Variants in ADAMTS3 observed in about 807,000 individuals in gnomAD.
ADAMTS3 encodes the protein ADAM metallopeptidase with thrombospondin type 1 motif 3, also known as A disintegrin and metalloproteinase with thrombospondin motifs 3.
Under a neutral mutation model 129.0 loss-of-function variants are expected in ADAMTS3, and 73 were observed. That is an observed-to-expected ratio of 0.57 (90% CI 0.47 to 0.69). The LOEUF (loss-of-function observed/expected upper bound fraction) is 0.69. ADAMTS3 is among the 30% of genes least tolerant of loss of function. The pLI is 0.00. For synonymous variants in ADAMTS3, 477 were observed against 510.8 expected, an observed-to-expected ratio of 0.93 and a Z score of 0.89; for missense variants, 1,457 against 1,514.5, an observed-to-expected ratio of 0.96 and a Z score of 0.63.
rs202231178 is a variant in ADAMTS3, at chr4:72,492,934, T to C, written c.504+55544A>G. On this transcript the variant is annotated intron_variant, in intron 3 of 21. Transcript: ENST00000286657. ...TTTGGTGTGTTTATACTTATAACTG[T>C]TATAACTTACTGTTGAATTAACTCT... 2.0e-5 allele frequency among the ~76,000 whole-genome samples: 3 copies of C among 152,056 alleles called. No homozygotes were observed. The East Asian group carries it at 5.8e-4, about 29-fold the overall frequency.
Position 72,414,928 on chromosome 4 carries a change from G to T in ADAMTS3, c.548C>A (p.Pro183His). 2 of 1,573,082 alleles carry T rather than the reference G, an allele frequency of 1.3e-6. No individual in the cohort carries two copies. Among genetic ancestry groups the T allele is most frequent in the Admixed American group, 1.9e-5 (1 of 52,972 alleles). The change falls in exon 4 of 22, where the codon CCC becomes CAC. Residue 183 changes from proline to histidine, a missense_variant. By Grantham distance (77) the Pro-to-His change is moderately conservative. Transcript: ENST00000286657. ...CTCCATCTGTTTACCTCTTTCCAAG[G>T]GTTCAATGAAATACTCTTCATTATC... ...KSDNEEYFIE[P>H]LERGKQMEEE...
chr4:72,419,838 A>G (rs1233972196), intron 3 of ADAMTS3, among the ~76,000 whole-genome samples: 2 of 152,138 alleles, frequency 1.3e-5, no homozygotes, highest in Admixed American at 6.5e-5. Context: ...TATTAGTACT[A>G]TCTTGGGTCA....
chr4:72,530,227 T>TTA lies in ADAMTS3; in HGVS notation c.504+18249_504+18250dup, dbSNP rs1402048004. Among the ~76,000 whole-genome samples the TTA allele has an allele frequency of 4.1e-5, 3 of 72,716 alleles. 1 individual carries two copies. The East Asian group carries it at 1.3e-3, about 32-fold the overall frequency. 47.7% of individuals were successfully genotyped at this position (72,716 alleles called of 152,430 possible). ...CATATGTTATTTTAATATATATATA[T>TTA]TATATATATTAAATATATATAATAT... On this transcript the variant is annotated intron_variant, in intron 3 of 21. Coordinates refer to ENST00000286657, the MANE Select transcript of ADAMTS3 (RefSeq NM_014243.3).
At chr4:72,425,706 G>A (rs575332550) in intron 3 of ADAMTS3, among the ~76,000 whole-genome samples, 3 of 151,942 alleles carry the variant, frequency 2.0e-5, no homozygotes, top group African/African-American at 7.2e-5. Context: ...GTGTATATGT[G>A]CCACATTTTC....
intron 18 of ADAMTS3, among the ~76,000 whole-genome samples, chr4:72,297,640 G>A (rs78688827): frequency 0.039 from 5,921 of 152,100 alleles, 330 homozygotes; most frequent in East Asian, 0.29. Context: ...GAGAGGGAAC[G>A]GAGGCAGCAC....
At chr4:72,520,836 G>A (rs1439201592) in intron 3 of ADAMTS3, among the ~76,000 whole-genome samples, 2 of 151,976 alleles carry the variant, frequency 1.3e-5, no homozygotes, top group East Asian at 1.9e-4. Context: ...CGCGCATGAT[G>A]TGCTGCACCC....
At chr4:72,294,609 A>AG (rs1245343907) in intron 19 of ADAMTS3, among the ~76,000 whole-genome samples, 1 of 152,086 alleles carries the variant, frequency 6.6e-6, no homozygotes, top group African/African-American at 2.4e-5. Flanking sequence ...ATAAGTACAC[A>AG]GCACAACGAT....
chr4:72,354,880 G>T (rs1720537712), intron 4 of ADAMTS3, among the ~76,000 whole-genome samples: 1 of 151,732 alleles, frequency 6.6e-6, no homozygotes, highest in South Asian at 2.1e-4. Context: ...CATATTTCAG[G>T]TTCTAGACAC....
rs1178732937 is a variant in ADAMTS3 at position 72,456,359 on chromosome 4, TAGTATACA to T, written c.505-41396_505-41389del. On this transcript the variant is annotated intron_variant, in intron 3 of 21. Coordinates refer to ENST00000286657, the MANE Select transcript of ADAMTS3 (RefSeq NM_014243.3). ...TACTGTATATACTATATATAGTATA[TAGTATACA>T]ATATATAGTATATATAGTATATATA... 7.8e-3 allele frequency among the ~76,000 whole-genome samples: 1,084 copies of T among 139,338 alleles called. 1 individual carries two copies. Among genetic ancestry groups the T allele is most frequent in the South Asian group, 0.013 (59 of 4,610 alleles). 91.4% of individuals were successfully genotyped at this position (139,338 alleles called of 152,430 possible).
At chr4:72,393,427 A>G (rs1003683636) in intron 4 of ADAMTS3, among the ~76,000 whole-genome samples, 11 of 152,174 alleles carry the variant, frequency 7.2e-5, no homozygotes, top group Non-Finnish European at 1.3e-4. Context: ...TTTTCCAAAT[A>G]TGTAAGTAAT....
intron 3 of ADAMTS3, among the ~76,000 whole-genome samples, chr4:72,426,959 T>G (rs558790717): frequency 1.6e-4 from 24 of 152,178 alleles, no homozygotes; most frequent in Non-Finnish European, 2.4e-4. Flanking sequence ...TCTAGGGTGA[T>G]TTTTCCTAAA....
chr4:72,523,893 G>A (rs1720739405), intron 3 of ADAMTS3, among the ~76,000 whole-genome samples: 1 of 152,082 alleles, frequency 6.6e-6, no homozygotes, highest in African/African-American at 2.4e-5. Flanking sequence ...ATCTACAATT[G>A]TTGTAACTTG....
chr4:72,367,744 G>T (rs1353238804), intron 4 of ADAMTS3, among the ~76,000 whole-genome samples: 1 of 152,028 alleles, frequency 6.6e-6, no homozygotes, highest in African/African-American at 2.4e-5. Context: ...CAGCTACTTG[G>T]GAGGCTGAGG....
chr4:72,305,339 T>G (rs1719054364), intron 16 of ADAMTS3, among the ~76,000 whole-genome samples: 1 of 152,082 alleles, frequency 6.6e-6, no homozygotes, highest in Admixed American at 6.6e-5. Context: ...TAAGATTAGA[T>G]TAGTAAAATT....
intron 4 of ADAMTS3, among the ~76,000 whole-genome samples, chr4:72,374,724 T>C (rs1721095341): frequency 6.6e-6 from 1 of 152,202 alleles, no homozygotes; most frequent in Non-Finnish European, 1.5e-5. Flanking sequence ...CATAGTTTCT[T>C]GGTTTAAAAT....
chr4:72,438,101 G>A (rs867511443), intron 3 of ADAMTS3, among the ~76,000 whole-genome samples: 1 of 151,664 alleles, frequency 6.6e-6, no homozygotes, highest in African/African-American at 2.4e-5. Context: ...TACTCTGTGT[G>A]TGCAGAAATT....
At chr4:72,378,138 G>A (rs563492118) in intron 4 of ADAMTS3, among the ~76,000 whole-genome samples, 70 of 152,222 alleles carry the variant, frequency 4.6e-4, no homozygotes, top group African/African-American at 1.7e-3. Flanking sequence ...GAAAAGACAT[G>A]TTTCTTGCTA....
intron 21 of ADAMTS3, among the ~76,000 whole-genome samples, chr4:72,286,380 C>T (rs1482163149): frequency 1.3e-5 from 2 of 152,106 alleles, no homozygotes; most frequent in Non-Finnish European, 2.9e-5. Context: ...TCAATACTTT[C>T]CAAAGTAAAA....
intron 2 of ADAMTS3, among the ~76,000 whole-genome samples, chr4:72,554,116 C>T (rs906163277): frequency 6.6e-6 from 1 of 152,104 alleles, no homozygotes; most frequent in Non-Finnish European, 1.5e-5. Flanking sequence ...CTTCTTCCTC[C>T]TTGTACTATG....
Sources: allele counts gnomAD v4.1 joint callset (sites outside exome capture counted in the v4.1 genomes callset), GRCh38; gene constraint gnomAD v4.1.1; transcripts MANE v1.5; gene names NCBI Gene and HGNC (gene_info 2026-07-23, HGNC 2026-07-21).